EML5: variants seen among roughly 807,000 people sequenced by gnomAD.
The protein encoded by EML5 is echinoderm microtubule-associated protein-like 5.
Under a neutral mutation model 250.0 loss-of-function variants are expected in EML5, and 120 were observed. The observed-to-expected ratio is 0.48, with a 90% CI of 0.41 to 0.56. The LOEUF is 0.56. EML5 is among the 20% of genes least tolerant of loss of function. The pLI is 0.00. For synonymous variants in EML5, 771 were observed against 806.5 expected (o/e 0.96, Z 0.75); for missense variants, 2,006 against 2,437.6 (o/e 0.82, Z 3.73).
chr14:88,624,007 C>T (rs1567023660), intron 36 of EML5: 2 of 152,188 alleles, frequency 1.3e-5, no homozygotes, highest in Admixed American at 6.5e-5. Flanking sequence ...GTTTAATTAA[C>T]ATATGTGGGT....
intron 8 of EML5, 34 bp from the exon 9 acceptor site, chr14:88,715,229 A>T: frequency 6.5e-7 from 1 of 1,537,146 alleles, no homozygotes; most frequent in South Asian, 1.2e-5. Context: ...CTACATGAAC[A>T]GAAGTCACAA....
At chr14:88,639,737 C>T (rs939756941) in intron 31 of EML5, among the ~76,000 whole-genome samples, 1 of 151,960 alleles carries the variant, frequency 6.6e-6, no homozygotes, top group African/African-American at 2.4e-5. Context: ...CCATCATGCC[C>T]AGCTATATAT....
chr14:88,616,046 T>G lies in EML5; in HGVS notation c.5897+96A>C, dbSNP rs1357288908. On this transcript the variant is annotated intron_variant, in intron 43 of 43. Coordinates refer to ENST00000554922, the MANE Select transcript of EML5 (RefSeq NM_183387.3). The stretch of plus-strand genomic sequence containing the variant: ...TATACTACCTTCTACTAATGTTGAC[T>G]AGCTGATTTCATAAACCAAAGCTGT... 20 of 1,365,008 alleles carry G rather than the reference T, an allele frequency of 1.5e-5. 1 individual carries two copies. In the Admixed American group the frequency reaches 3.5e-4, roughly 24 times the overall value. The allele number at this position is 1,365,008 out of a possible 1,614,324, so 84.6% of individuals were successfully genotyped here. A position where few individuals can be genotyped will look rare whatever the true frequency, so the allele number is the denominator to read the frequency against.
chr14:88,765,488 T>C (rs1427073036), intron 1 of EML5, among the ~76,000 whole-genome samples: 1 of 152,186 alleles, frequency 6.6e-6, no homozygotes, highest in Non-Finnish European at 1.5e-5. Context: ...AAGCTTTGAA[T>C]CTTTCTGACT....
intron 10 of EML5, among the ~76,000 whole-genome samples, chr14:88,707,303 T>C (rs945488791): frequency 6.6e-6 from 1 of 151,264 alleles, no homozygotes; most frequent in Non-Finnish European, 1.5e-5. Context: ...TATTTATTTA[T>C]TTATGGCAGA....
At chr14:88,687,356 A>T (rs1417297351) in intron 18 of EML5, 29 bp from the exon 19 acceptor site, 6 of 1,454,866 alleles carry the variant, frequency 4.1e-6, no homozygotes, top group Non-Finnish European at 5.6e-6. Context: ...TCAAGTTAAT[A>T]AAGATCTAAA....
chr14:88,694,206 T>C, intron 17 of EML5, 101 bp downstream of exon 17: 1 of 726,220 alleles, frequency 1.4e-6, no homozygotes, highest in Non-Finnish European at 2.3e-6. Context: ...CCTGCTCTAT[T>C]CCAGGATGCA....
rs1273384427 is a variant in EML5 at position 88,715,053 on chromosome 14, C to A, written c.1330G>T (p.Val444Phe). The A allele has an allele frequency of 6.2e-7, 1 of 1,613,874 alleles. No homozygotes were observed. The highest frequency in any genetic ancestry group is 8.5e-7 in the Non-Finnish European group (1 of 1,179,836). ...CTAAGGGATCCCAAACACTCGCCAA[C>A]TTTTTTATAACGCTGAGCAACTCCA... is the stretch of plus-strand genomic sequence containing the variant. Reference protein sequence around the residue: ...IYGVAQRYKKVGECLGSLSFI... With the variant: ...IYGVAQRYKKFGECLGSLSFI... The change falls in exon 9 of 44, where the codon GTT becomes TTT. Residue 444 changes from valine (V) to phenylalanine (F), a missense_variant. By Grantham distance (50) the Val-to-Phe change is conservative. Coordinates refer to ENST00000554922, the MANE Select transcript of EML5 (RefSeq NM_183387.3).
intron 31 of EML5, among the ~76,000 whole-genome samples, chr14:88,640,296 T>C (rs1187308510): frequency 1.3e-5 from 2 of 152,304 alleles, no homozygotes; most frequent in Admixed American, 6.5e-5. Context: ...ATTGACCACA[T>C]GTTCAGCCAT....
At chr14:88,698,265 C>CT (rs60164768) in intron 14 of EML5, among the ~76,000 whole-genome samples, 50,546 of 119,840 alleles carry the variant, frequency 0.42, 11,696 homozygotes, top group East Asian at 0.8. Context: ...CTCCAGTTTC[C>CT]TTTTTTTTTT....
chr14:88,788,979 C>T (rs1300911645), intron 1 of EML5, among the ~76,000 whole-genome samples: 1 of 151,266 alleles, frequency 6.6e-6, no homozygotes, highest in Non-Finnish European at 1.5e-5. Flanking sequence ...GGGATGATCA[C>T]CTGAGCCCAA....
chr14:88,654,806 A>G (rs1234840933), intron 27 of EML5, among the ~76,000 whole-genome samples: 1 of 152,164 alleles, frequency 6.6e-6, no homozygotes, highest in Non-Finnish European at 1.5e-5. Context: ...CCGTTTGTCC[A>G]GAGCTGAGTT....
chr14:88,787,543 T>C (rs1219601068), intron 1 of EML5, among the ~76,000 whole-genome samples: 2 of 152,228 alleles, frequency 1.3e-5, no homozygotes, highest in Non-Finnish European at 2.9e-5. Context: ...GGCTTCTCCC[T>C]AAAGAATATA....
intron 1 of EML5, among the ~76,000 whole-genome samples, chr14:88,760,796 G>A (rs571748696): frequency 1.2e-4 from 19 of 152,074 alleles, no homozygotes; most frequent in South Asian, 6.2e-4. Context: ...AACATAGTAC[G>A]CCCGCCCTCC....
At chr14:88,729,875 T>G (rs1033231821) in intron 7 of EML5, among the ~76,000 whole-genome samples, 1 of 151,680 alleles carries the variant, frequency 6.6e-6, no homozygotes, top group African/African-American at 2.4e-5. Context: ...TTTTTGTTTT[T>G]TTTTTTTGTT....
intron 21 of EML5, among the ~76,000 whole-genome samples, chr14:88,670,809 A>C (rs2092442900): frequency 6.6e-6 from 1 of 152,178 alleles, no homozygotes; most frequent in Non-Finnish European, 1.5e-5. Flanking sequence ...AAGCACAGGG[A>C]AGAATTTCAG....
Position 88,654,213 on chromosome 14 carries a change from C to CA in EML5, c.4004+3162dup, listed in dbSNP as rs2091768948. Among the ~76,000 whole-genome samples, 3 of 151,896 alleles carry CA rather than the reference C, an allele frequency of 2.0e-5. 1 individual carries two copies. The highest frequency in any genetic ancestry group is 7.2e-5 in the African/African-American group (3 of 41,478). ...CTGGCTAGCAGTCTATCTATTTTGT[C>CA]AATCTTTTCAAAAAACCAGCTCCTG... is the stretch of plus-strand genomic sequence containing the variant. On this transcript the variant is annotated intron_variant, in intron 27 of 43. Transcript: ENST00000554922.
intron 14 of EML5, among the ~76,000 whole-genome samples, chr14:88,701,131 T>C (rs1280970925): frequency 6.6e-6 from 1 of 152,174 alleles, no homozygotes; most frequent in East Asian, 1.9e-4. Flanking sequence ...CCAGGCTTTG[T>C]ACATATTTCT....
At chr14:88,705,361 T>C (rs2139756901) in intron 12 of EML5, 121 bp downstream of exon 12, 1 of 783,616 alleles carries the variant, frequency 1.3e-6, no homozygotes, top group Non-Finnish European at 2.1e-6. Flanking sequence ...GGAAAACTAA[T>C]ATAGTCATAC....
Sources: gnomAD v4.1 joint callset for allele counts (sites outside exome capture counted in the v4.1 genomes callset) on GRCh38, gnomAD v4.1.1 for gene constraint, MANE v1.5 for transcripts, NCBI Gene and HGNC (gene_info 2026-07-23, HGNC 2026-07-21) for gene names.